Variants in CDCP1 observed in about 807,000 individuals in gnomAD.
The protein encoded by CDCP1 is CUB domain-containing protein 1.
In CDCP1, 29 loss-of-function variants were observed where a neutral mutation model predicts 60.2. The observed-to-expected ratio is 0.48, with a 90% CI of 0.36 to 0.66. CDCP1 has a LOEUF of 0.66. Among genes scored for constraint, CDCP1 ranks in the 30% least tolerant of loss-of-function variants. The pLI is 0.00. For missense variants in CDCP1, 876 were observed against 1,074.3 expected, an observed-to-expected ratio of 0.82 and a Z score of 2.58; for synonymous variants, 387 against 431.1, an observed-to-expected ratio of 0.90 and a Z score of 1.27.
At position 45,085,631 on chromosome 3, in the gene CDCP1, G is replaced by A. The variant is rs1051236855; in HGVS notation, c.*7C>T. The A allele has an allele frequency of 1.2e-6, 2 of 1,607,344 alleles. No individual in the cohort carries two copies. ...GAAACTCAGCAAAGCGTCTGGAATG[G>A]ATCAAGTTATTCTGCTGGCTCCATG... On this transcript the variant is annotated 3_prime_UTR_variant, in exon 9 of 9. Coordinates refer to ENST00000296129, the MANE Select transcript of CDCP1 (RefSeq NM_022842.5). This position sits in a 1 kb window ranked among gnomAD's most constrained non-coding sequence, Gnocchi z 4.2.
At position 45,109,279 on chromosome 3, in the gene CDCP1, C is replaced by T. The variant is rs1698647398; in HGVS notation, c.1024+1194G>A. 2.6e-5 allele frequency among the ~76,000 whole-genome samples: 4 copies of T among 151,894 alleles called. No homozygotes were observed. In the South Asian group the frequency reaches 8.3e-4, roughly 32 times the overall value. Reference sequence around the variant, plus strand: ...TATATATATCTATACACACATTATACATACATACATATGGACGTTTCCAGG... The same window carrying T: ...TATATATATCTATACACACATTATATATACATACATATGGACGTTTCCAGG... On this transcript the variant is annotated intron_variant, in intron 4 of 8. Coordinates refer to ENST00000296129, the MANE Select transcript of CDCP1 (RefSeq NM_022842.5).
intron 1 of CDCP1, among the ~76,000 whole-genome samples, chr3:45,121,536 T>C (rs187421669): frequency 6.6e-6 from 1 of 152,362 alleles, no homozygotes. Context: ...CCCATCTAGC[T>C]ATGTTACCAA....
chr3:45,132,143 G>A (rs1489271581), intron 1 of CDCP1, among the ~76,000 whole-genome samples: 1 of 151,934 alleles, frequency 6.6e-6, no homozygotes, highest in Non-Finnish European at 1.5e-5. Flanking sequence ...GGCTGAGGCA[G>A]GAGAATCACT....
chr3:45,118,744 T>C, intron 1 of CDCP1, 123 bp from the exon 2 acceptor site: 1 of 712,038 alleles, frequency 1.4e-6, no homozygotes, highest in Non-Finnish European at 2.4e-6. Flanking sequence ...TTCCCTCCTT[T>C]TCTGAGAAGA....
At chr3:45,114,064 T>C (rs1294300096) in intron 2 of CDCP1, among the ~76,000 whole-genome samples, 7 of 152,186 alleles carry the variant, frequency 4.6e-5, no homozygotes, top group Non-Finnish European at 1.0e-4. Flanking sequence ...GTTTAAAAAC[T>C]ACACATGCCT....
chr3:45,097,965 C>T (rs1698429889), intron 4 of CDCP1, among the ~76,000 whole-genome samples: 1 of 152,154 alleles, frequency 6.6e-6, no homozygotes, highest in South Asian at 2.1e-4. Flanking sequence ...CCTGGCCCCA[C>T]ATCCAGCTCA....
At chr3:45,127,357 C>T (rs1699019194) in intron 1 of CDCP1, among the ~76,000 whole-genome samples, 1 of 152,112 alleles carries the variant, frequency 6.6e-6, no homozygotes, top group South Asian at 2.1e-4. Flanking sequence ...TCCACAGCTT[C>T]ATGAGGTCTG....
At position 45,084,875 on chromosome 3, in the gene CDCP1, TTC is replaced by T. The variant is rs1378625292; in HGVS notation, c.*761_*762del. 6.6e-6 allele frequency: 1 copy of T among 152,630 alleles called. No homozygotes were observed. Among genetic ancestry groups the T allele is most frequent in the Non-Finnish European group, 1.5e-5 (1 of 68,042 alleles). The allele number at this position is 152,630 out of a possible 1,614,324, so 9.5% of individuals were successfully genotyped here. A position where few individuals can be genotyped will look rare whatever the true frequency, so the allele number is the denominator to read the frequency against. ...ACCGCACATGGAAACTTGAGGAAAT[TTC>T]TCTTATTGCTAGGACTATAGGACAA... On this transcript the variant is annotated 3_prime_UTR_variant, in exon 9 of 9. Coordinates refer to ENST00000296129, the MANE Select transcript of CDCP1 (RefSeq NM_022842.5).
At chr3:45,126,288 C>T (rs1698999759) in intron 1 of CDCP1, among the ~76,000 whole-genome samples, 1 of 148,506 alleles carries the variant, frequency 6.7e-6, no homozygotes, top group South Asian at 2.1e-4. Flanking sequence ...TTTTGTCTAC[C>T]CTGGAGGTGA....
intron 4 of CDCP1, among the ~76,000 whole-genome samples, chr3:45,108,787 A>ATATTTTTTTTTTT (rs1559392558): frequency 5.8e-5 from 2 of 34,746 alleles, no homozygotes; most frequent in Admixed American, 3.2e-4. Context: ...ATACATATAT[A>ATATTTTTTTTTTT]TGCATGTATA....
At chr3:45,118,958 C>T (rs1281607272) in intron 1 of CDCP1, among the ~76,000 whole-genome samples, 1 of 152,202 alleles carries the variant, frequency 6.6e-6, no homozygotes, top group Non-Finnish European at 1.5e-5. Flanking sequence ...GTAACCACCA[C>T]ACCTTTTCTC....
At position 45,143,371 on chromosome 3, in the gene CDCP1, C is replaced by G. The variant is rs1251081417; in HGVS notation, c.82+2835G>C. 2.0e-5 allele frequency among the ~76,000 whole-genome samples: 3 copies of G among 152,112 alleles called. No homozygotes were observed. The South Asian group carries it at 6.2e-4, about 32-fold the overall frequency. Reference sequence around the variant, plus strand: ...AGTCTGTGCTATGTAATTTCAAGTGCCTTTTCACTGAATAGACCTATTAAA... The same window carrying G: ...AGTCTGTGCTATGTAATTTCAAGTGGCTTTTCACTGAATAGACCTATTAAA... On this transcript the variant is annotated intron_variant, in intron 1 of 8. Coordinates refer to ENST00000296129, the MANE Select transcript of CDCP1 (RefSeq NM_022842.5).
intron 7 of CDCP1, among the ~76,000 whole-genome samples, chr3:45,090,595 C>A (rs17634308): frequency 6.6e-5 from 10 of 151,956 alleles, no homozygotes; most frequent in Non-Finnish European, 1.5e-4. Context: ...ACTTCCCCTA[C>A]GTAAAAGAGA....
At chr3:45,126,110 C>CTTTCT (rs1196115733) in intron 1 of CDCP1, among the ~76,000 whole-genome samples, 2 of 71,666 alleles carry the variant, frequency 2.8e-5, no homozygotes, top group Admixed American at 1.4e-4. Flanking sequence ...GTCTCTCTCT[C>CTTTCT]TTTCTTTCTT....
At chr3:45,090,333 T>G (rs1370687661) in intron 7 of CDCP1, among the ~76,000 whole-genome samples, 1 of 152,218 alleles carries the variant, frequency 6.6e-6, no homozygotes, top group African/African-American at 2.4e-5. Flanking sequence ...TGCATTCCCT[T>G]GCTTGATACC....
At chr3:45,110,972 A>G (rs1366478071) in intron 3 of CDCP1, 131 bp from the exon 4 acceptor site, 1 of 1,019,378 alleles carries the variant, frequency 9.8e-7, no homozygotes, top group Non-Finnish European at 1.4e-6. Flanking sequence ...GGGTCTAGAT[A>G]CTGTATATTT....
intron 8 of CDCP1, 21 bp downstream of exon 8, chr3:45,089,033 A>C (rs1698246584): frequency 6.3e-7 from 1 of 1,587,446 alleles, no homozygotes; most frequent in Non-Finnish European, 8.7e-7. Flanking sequence ...TCAGATAAAG[A>C]GAGTAAGAGA....
chr3:45,089,172 A>C, intron 7 of CDCP1, 31 bp from the exon 8 acceptor site: 1 of 1,583,462 alleles, frequency 6.3e-7, no homozygotes, highest in Non-Finnish European at 8.7e-7. Context: ...AGACAGATGA[A>C]GAGGCAGCTG....
At chr3:45,109,096 C>T (rs996470204) in intron 4 of CDCP1, among the ~76,000 whole-genome samples, 10 of 150,850 alleles carry the variant, frequency 6.6e-5, no homozygotes, top group African/African-American at 1.9e-4. Flanking sequence ...ATTACAGGTG[C>T]GCGCCATCAT....
Sources: gnomAD v4.1 joint callset for allele counts (sites outside exome capture counted in the v4.1 genomes callset) on GRCh38, gnomAD v4.1.1 for gene constraint, Gnocchi (gnomAD v3.1) non-coding constraint, MANE v1.5 for transcripts, NCBI Gene and HGNC (gene_info 2026-07-23, HGNC 2026-07-21) for gene names.